The following DPP10 variants were observed in gnomAD, a reference collection of about 807,000 sequenced individuals.
The protein encoded by DPP10 is inactive dipeptidyl peptidase 10.
In DPP10, 33 loss-of-function variants were observed where a neutral mutation model predicts 120.9. The observed-to-expected ratio is 0.27, with a 90% CI of 0.21 to 0.37. The LOEUF is 0.37. Among genes scored for constraint, DPP10 ranks in the 10% least tolerant of loss-of-function variants. The probability of loss-of-function intolerance (pLI) is 1.00; values close to 1 mark genes in which losing one functional copy is unlikely to be tolerated. For synonymous variants in DPP10, 337 were observed against 326.1 expected (o/e 1.03, Z -0.36); for missense variants, 816 against 942.8 (o/e 0.87, Z 1.76).
chr2:115,615,064 C>T (rs1041929998), intron 5 of DPP10, among the ~76,000 whole-genome samples: 1 of 151,938 alleles, frequency 6.6e-6, no homozygotes, highest in African/African-American at 2.4e-5. Flanking sequence ...AAAATATTTG[C>T]AAGTGAAAAC....
chr2:115,747,594 C>CTTTTTTTTTTTTTTTTTTTTT (rs3980905), intron 10 of DPP10, among the ~76,000 whole-genome samples: 3 of 141,228 alleles, frequency 2.1e-5, no homozygotes, highest in Non-Finnish European at 1.5e-5. Context: ...ATCCCCTTGT[C>CTTTTTTTTTTTTTTTTTTTTT]TTTTTTTTTT....
intron 1 of DPP10, among the ~76,000 whole-genome samples, chr2:115,286,503 T>TATAA (rs1491303092): frequency 3.6e-4 from 12 of 33,426 alleles, no homozygotes; most frequent in South Asian, 1.2e-3. Context: ...TATATATATA[T>TATAA]TACATATATA....
intron 1 of DPP10, among the ~76,000 whole-genome samples, chr2:114,972,958 C>T (rs1429742658): frequency 6.6e-6 from 1 of 152,208 alleles, no homozygotes; most frequent in Non-Finnish European, 1.5e-5. Flanking sequence ...GCATCCAGAA[C>T]ACAGTCAGGC....
At chr2:115,157,125 T>C (rs543035758) in intron 1 of DPP10, among the ~76,000 whole-genome samples, 1 of 151,962 alleles carries the variant, frequency 6.6e-6, no homozygotes, top group East Asian at 1.9e-4. Context: ...TTCAGCTACA[T>C]GTATACAGAG....
chr2:115,254,472 C>T (rs2058890446), intron 1 of DPP10, among the ~76,000 whole-genome samples: 1 of 152,114 alleles, frequency 6.6e-6, no homozygotes. Flanking sequence ...ACCCCTGGAC[C>T]CTCCCAAATC....
At chr2:114,491,319 T>A (rs1440225318) in intron 1 of DPP10, among the ~76,000 whole-genome samples, 1 of 152,204 alleles carries the variant, frequency 6.6e-6, no homozygotes, top group African/African-American at 2.4e-5. Flanking sequence ...TTTGGAATAT[T>A]ATTAATGGAT....
intron 1 of DPP10, among the ~76,000 whole-genome samples, chr2:114,667,760 C>T (rs148183188): frequency 2.7e-4 from 41 of 152,196 alleles, no homozygotes; most frequent in African/African-American, 9.9e-4. Flanking sequence ...TTACAAAGAA[C>T]TAAATTGTGT....
At chr2:115,414,654 A>T (rs1287582896) in intron 3 of DPP10, among the ~76,000 whole-genome samples, 2 of 152,204 alleles carry the variant, frequency 1.3e-5, no homozygotes, top group Non-Finnish European at 2.9e-5. Flanking sequence ...AACGGAATTG[A>T]GTAATATCTG....
At chr2:114,742,223 C>T (rs993185519) in intron 1 of DPP10, among the ~76,000 whole-genome samples, 1 of 151,928 alleles carries the variant, frequency 6.6e-6, no homozygotes, top group Non-Finnish European at 1.5e-5. Flanking sequence ...ATAATTTATA[C>T]CTCCAGTACA....
chr2:114,773,733 A>G (rs558432569), intron 1 of DPP10, among the ~76,000 whole-genome samples: 55 of 152,294 alleles, frequency 3.6e-4, no homozygotes, highest in African/African-American at 1.3e-3. Context: ...AAGAATCTGA[A>G]CTTACTAAGG....
intron 1 of DPP10, among the ~76,000 whole-genome samples, chr2:115,101,757 T>C (rs1047774120): frequency 6.6e-6 from 1 of 152,248 alleles, no homozygotes; most frequent in African/African-American, 2.4e-5. Context: ...CTGCTGTGGT[T>C]GGCCCTTAAA....
chr2:114,550,325 G>A (rs974262745), intron 1 of DPP10, among the ~76,000 whole-genome samples: 3 of 152,178 alleles, frequency 2.0e-5, no homozygotes, highest in African/African-American at 7.2e-5. Context: ...TATTTGCCAG[G>A]CACAGTTCTA....
chr2:114,779,853 G>C (rs1177127262), intron 1 of DPP10, among the ~76,000 whole-genome samples: 2 of 152,118 alleles, frequency 1.3e-5, no homozygotes, highest in Admixed American at 6.5e-5. Context: ...AAGGAGGGAA[G>C]GGGCTGAGCA....
chr2:115,502,916 T>C (rs1184474230), intron 4 of DPP10, among the ~76,000 whole-genome samples: 2 of 151,838 alleles, frequency 1.3e-5, no homozygotes, highest in Non-Finnish European at 2.9e-5. Flanking sequence ...GTTGCCCAGG[T>C]TCATCTTGAA....
chr2:115,440,557 CCAAAGAGACGGCTAACGCT>C (rs2071939457), intron 3 of DPP10, among the ~76,000 whole-genome samples: 1 of 152,168 alleles, frequency 6.6e-6, no homozygotes, highest in African/African-American at 2.4e-5. Context: ...AAGCCGGCGG[CCAAAGAGACGGCTAACGCT>C]CAAAATTCTC....
intron 1 of DPP10, among the ~76,000 whole-genome samples, chr2:114,935,810 G>A (rs1476179005): frequency 2.6e-5 from 4 of 151,118 alleles, no homozygotes; most frequent in South Asian, 2.1e-4. Flanking sequence ...ACAATCTTAC[G>A]AAGAAGCAAG....
At chr2:115,170,253 CT>C (rs376358125) in intron 1 of DPP10, among the ~76,000 whole-genome samples, 6 of 151,948 alleles carry the variant, frequency 3.9e-5, no homozygotes, top group African/African-American at 1.2e-4. Flanking sequence ...AAACATGGCT[CT>C]TTTTTTTCAC....
At chr2:115,078,712 G>A (rs1169139658) in intron 1 of DPP10, among the ~76,000 whole-genome samples, 1 of 152,102 alleles carries the variant, frequency 6.6e-6, no homozygotes, top group Non-Finnish European at 1.5e-5. Flanking sequence ...TACAACACGG[G>A]ATTGGTCACC....
chr2:115,288,681 C>T (rs1382838764), intron 1 of DPP10, among the ~76,000 whole-genome samples: 1 of 152,004 alleles, frequency 6.6e-6, no homozygotes, highest in Admixed American at 6.6e-5. Context: ...GAGATCATGC[C>T]ACTGCACTCC....
Sources: allele counts gnomAD v4.1 joint callset (sites outside exome capture counted in the v4.1 genomes callset), GRCh38; gene constraint gnomAD v4.1.1; transcripts MANE v1.5; gene names NCBI Gene and HGNC (gene_info 2026-07-23, HGNC 2026-07-21).